SLC14A2: variants seen among roughly 807,000 people sequenced by gnomAD.
SLC14A2 encodes solute carrier family 14 member 2, also known as urea transporter 2.
A neutral mutation model predicts 104.6 loss-of-function variants in SLC14A2; 91 were observed. That is an observed-to-expected ratio of 0.87 (90% CI 0.73 to 1.04). SLC14A2 has a LOEUF of 1.04. Among genes scored for constraint, SLC14A2 ranks in the 50% least tolerant of loss-of-function variants. SLC14A2 has a pLI of 0.00. For missense variants in SLC14A2, 1,189 were observed against 1,156.0 expected (o/e 1.03, Z -0.41); for synonymous variants, 476 against 466.4 (o/e 1.02, Z -0.27).
the SLC14A2 span, among the ~76,000 whole-genome samples, chr18:45,206,129 C>G: frequency 6.6e-6 from 1 of 152,206 alleles, no homozygotes; most frequent in African/African-American, 2.4e-5. Context: ...TTGATCTTTA[C>G]ACTGAAATTT....
chr18:45,301,320 A>G (rs1599656705), intron 1 of SLC14A2, among the ~76,000 whole-genome samples: 1 of 152,182 alleles, frequency 6.6e-6, no homozygotes, highest in African/African-American at 2.4e-5. Flanking sequence ...GATTTGCTGC[A>G]TCGGTCTCCT....
Position 45,639,723 on chromosome 18 carries a change from C to T in SLC14A2, c.844-23C>T, listed in dbSNP as rs531184445. The stretch of plus-strand genomic sequence containing the variant: ...TGCATTATTGTCCATGCTCCAGTGA[C>T]CTGTATTCTGTTAACTTTGCAGCTG... On this transcript the variant is annotated intron_variant, in intron 6 of 19. Transcript: ENST00000255226. The T allele has an allele frequency of 8.7e-6, 14 of 1,612,366 alleles. No individual in the cohort carries two copies. The Admixed American group carries it at 1.8e-4, about 21-fold the overall frequency.
At chr18:45,453,152 C>T (rs1244264898) in intron 1 of SLC14A2, among the ~76,000 whole-genome samples, 2 of 152,164 alleles carry the variant, frequency 1.3e-5, no homozygotes, top group Admixed American at 6.5e-5. Context: ...TCAGACCCAC[C>T]TACTCAGCTT....
chr18:45,668,993 T>C (rs1476285707), intron 15 of SLC14A2, among the ~76,000 whole-genome samples: 1 of 152,248 alleles, frequency 6.6e-6, no homozygotes, highest in Non-Finnish European at 1.5e-5. Flanking sequence ...AAAACATTTG[T>C]TGAATGAATG....
intron 1 of SLC14A2, among the ~76,000 whole-genome samples, chr18:45,336,744 CTCCT>C (rs2085341605): frequency 1.3e-5 from 2 of 152,282 alleles, no homozygotes; most frequent in South Asian, 4.2e-4. Flanking sequence ...CCTATGATGG[CTCCT>C]AGTTTCATCC....
chr18:45,551,969 C>G (rs9955774), intron 2 of SLC14A2, among the ~76,000 whole-genome samples: 1,730 of 152,276 alleles, frequency 0.011, 30 homozygotes, highest in African/African-American at 0.039. Flanking sequence ...TAATTTGCAT[C>G]TCACATTCCT....
chr18:45,628,000 C>CAAAAAAAAAA (rs58009345), intron 4 of SLC14A2, among the ~76,000 whole-genome samples: 1 of 83,578 alleles, frequency 1.2e-5, no homozygotes, highest in African/African-American at 4.4e-5. Flanking sequence ...AAGACTTTCT[C>CAAAAAAAAAA]AAAAAAAAAA....
the SLC14A2 span, among the ~76,000 whole-genome samples, chr18:45,176,043 A>C: frequency 6.6e-6 from 1 of 152,172 alleles, no homozygotes; most frequent in Admixed American, 6.6e-5. Context: ...CCTTGCAACC[A>C]GGTAAAAGGA....
intron 1 of SLC14A2, among the ~76,000 whole-genome samples, chr18:45,247,428 G>A (rs1246897996): frequency 6.6e-6 from 1 of 152,210 alleles, no homozygotes; most frequent in Non-Finnish European, 1.5e-5. Flanking sequence ...CTGGACCTAT[G>A]ACCTAAACAT....
At chr18:45,429,077 G>A (rs1333263950) in intron 1 of SLC14A2, among the ~76,000 whole-genome samples, 1 of 152,192 alleles carries the variant, frequency 6.6e-6, no homozygotes, top group Non-Finnish European at 1.5e-5. Context: ...ATATTTGGAG[G>A]ACCATACTCC....
At chr18:45,187,762 T>TAAA in the SLC14A2 span, among the ~76,000 whole-genome samples, 18,537 of 151,224 alleles carry the variant, frequency 0.12, 1,462 homozygotes, top group Middle Eastern at 0.19. Context: ...CTGCTTCTGG[T>TAAA]AAAAAAATAA....
rs58079608 is a variant in SLC14A2 at position 45,494,915 on chromosome 18, T to TACACACACACACACACACAC, written c.-35+11599_-35+11618dup. 1.1e-3 allele frequency among the ~76,000 whole-genome samples: 167 copies of TACACACACACACACACACAC among 148,740 alleles called. No individual in the cohort carries two copies. The East Asian group carries it at 0.016, about 14-fold the overall frequency. ...AATCGGGTCATCACACACACACACA[T>TACACACACACACACACACAC]ACACACACACACACACACACACACA... On this transcript the variant is annotated intron_variant, in intron 2 of 20. Transcript: ENST00000586448.
intron 1 of SLC14A2, among the ~76,000 whole-genome samples, chr18:45,401,174 G>A (rs149643946): frequency 6.6e-6 from 1 of 152,208 alleles, no homozygotes; most frequent in Non-Finnish European, 1.5e-5. Flanking sequence ...GGCCTTTCCT[G>A]TTTACACTAT....
intron 1 of SLC14A2, among the ~76,000 whole-genome samples, chr18:45,240,785 G>A (rs1336032569): frequency 1.3e-5 from 2 of 151,720 alleles, no homozygotes; most frequent in Non-Finnish European, 2.9e-5. Flanking sequence ...AGCCTGCCGA[G>A]TAGCTGAGAT....
intron 1 of SLC14A2, among the ~76,000 whole-genome samples, chr18:45,235,811 G>GTATA (rs1237275915): frequency 1.6e-4 from 16 of 101,100 alleles, no homozygotes; most frequent in African/African-American, 5.5e-4. Context: ...GTGTGTGTGT[G>GTATA]TGTATATATA....
intron 1 of SLC14A2, among the ~76,000 whole-genome samples, chr18:45,312,396 C>T (rs1006530193): frequency 6.6e-6 from 1 of 151,596 alleles, no homozygotes; most frequent in African/African-American, 2.4e-5. Context: ...AAAAAAAAAG[C>T]CTGCTTTTTT....
At chr18:45,578,672 C>T (rs1270200494) in intron 2 of SLC14A2, among the ~76,000 whole-genome samples, 5 of 152,200 alleles carry the variant, frequency 3.3e-5, no homozygotes, top group Non-Finnish European at 5.9e-5. Flanking sequence ...TTGAAAACCA[C>T]CAATGTTATA....
intron 1 of SLC14A2, among the ~76,000 whole-genome samples, chr18:45,400,468 G>A (rs1044393609): frequency 6.6e-6 from 1 of 152,188 alleles, no homozygotes; most frequent in Non-Finnish European, 1.5e-5. Context: ...AGAAATATTA[G>A]TTTGTCCCAT....
chr18:45,475,660 T>TG (rs376138908), intron 1 of SLC14A2, among the ~76,000 whole-genome samples: 14 of 111,386 alleles, frequency 1.3e-4, no homozygotes, highest in Non-Finnish European at 2.0e-4. Context: ...TATATATATA[T>TG]ATATATATAT....
Sources: gnomAD v4.1 joint callset for allele counts (sites outside exome capture counted in the v4.1 genomes callset) on GRCh38, gnomAD v4.1.1 for gene constraint, MANE v1.5 for transcripts, NCBI Gene and HGNC (gene_info 2026-07-23, HGNC 2026-07-21) for gene names.